CHRM2: variants seen among roughly 807,000 people sequenced by gnomAD.
CHRM2 encodes the protein muscarinic acetylcholine receptor M2.
A neutral mutation model predicts 25.0 loss-of-function variants in CHRM2; 8 were observed. The observed-to-expected ratio is 0.32, with a 90% CI of 0.19 to 0.58. The LOEUF is 0.58. CHRM2 is among the 20% of genes least tolerant of loss of function. The probability of loss-of-function intolerance (pLI) is 0.88; values close to 1 mark genes in which losing one functional copy is unlikely to be tolerated. For missense variants in CHRM2, 440 were observed against 567.1 expected (o/e 0.78, Z 2.28); for synonymous variants, 202 against 205.7 (o/e 0.98, Z 0.15).
At chr7:136,928,404 A>G (rs561813806) in intron 2 of CHRM2, among the ~76,000 whole-genome samples, 2 of 152,298 alleles carry the variant, frequency 1.3e-5, no homozygotes, top group South Asian at 2.1e-4. Flanking sequence ...GATGTTTAAT[A>G]ATTTGTAGTG....
intron 2 of CHRM2, among the ~76,000 whole-genome samples, chr7:136,927,996 C>T (rs558954240): frequency 8.0e-4 from 122 of 152,246 alleles, no homozygotes; most frequent in African/African-American, 2.8e-3. Context: ...TTTGTCTTTA[C>T]TTTTCATATA....
chr7:136,986,444 G>A (rs1484950419), intron 2 of CHRM2, among the ~76,000 whole-genome samples: 1 of 152,004 alleles, frequency 6.6e-6, no homozygotes, highest in African/African-American at 2.4e-5. Flanking sequence ...TTCAATATAA[G>A]AGCAAAGGAA....
chr7:137,004,228 CT>C (rs1320100414), intron 3 of CHRM2, among the ~76,000 whole-genome samples: 1 of 152,116 alleles, frequency 6.6e-6, no homozygotes. Context: ...ATGTGAACTA[CT>C]CACAATTTAG....
intron 2 of CHRM2, among the ~76,000 whole-genome samples, chr7:136,937,298 T>C (rs1799470601): frequency 6.6e-6 from 1 of 152,284 alleles, no homozygotes; most frequent in Admixed American, 6.5e-5. Context: ...AAAAATTCCT[T>C]TTTCCTCACT....
intron 2 of CHRM2, among the ~76,000 whole-genome samples, chr7:136,975,349 T>C (rs1443786642): frequency 1.3e-5 from 2 of 152,282 alleles, no homozygotes; most frequent in East Asian, 1.9e-4. Flanking sequence ...TTAAACATGG[T>C]CCATAGCCTT....
intron 3 of CHRM2, among the ~76,000 whole-genome samples, chr7:137,006,543 T>C (rs928648537): frequency 6.6e-6 from 1 of 152,154 alleles, no homozygotes; most frequent in Non-Finnish European, 1.5e-5. Flanking sequence ...TGCATAATCC[T>C]GATCTTTTTT....
chr7:136,994,524 T>C (rs1803455292), intron 3 of CHRM2, among the ~76,000 whole-genome samples: 1 of 134,732 alleles, frequency 7.4e-6, no homozygotes, highest in African/African-American at 2.7e-5. Flanking sequence ...TTCTTTTCTT[T>C]TTTTTTTTTT....
chr7:136,967,721 T>C (rs1801504576), intron 2 of CHRM2, among the ~76,000 whole-genome samples: 1 of 152,054 alleles, frequency 6.6e-6, no homozygotes, highest in South Asian at 2.1e-4. Flanking sequence ...CTATTAGACT[T>C]TTTGCTCTAG....
chr7:137,000,443 G>A (rs1803922736), intron 3 of CHRM2, among the ~76,000 whole-genome samples: 2 of 150,244 alleles, frequency 1.3e-5, no homozygotes. Flanking sequence ...CAGGTGATCT[G>A]CCCACCTCGG....
chr7:137,011,215 G>GTGTGTGTATATA, intron 3 of CHRM2, among the ~76,000 whole-genome samples: 26 of 134,338 alleles, frequency 1.9e-4, no homozygotes, highest in African/African-American at 7.0e-4. Context: ...GTGTGTGTGT[G>GTGTGTGTATATA]TATATATATA....
intron 2 of CHRM2, among the ~76,000 whole-genome samples, chr7:136,963,090 G>A (rs537171607): frequency 6.6e-6 from 1 of 152,148 alleles, no homozygotes; most frequent in Admixed American, 6.5e-5. Flanking sequence ...AGTGAGAGGA[G>A]AACTGAGAGA....
chr7:136,955,839 A>G (rs903206757), intron 2 of CHRM2, among the ~76,000 whole-genome samples: 2 of 152,212 alleles, frequency 1.3e-5, no homozygotes, highest in Non-Finnish European at 2.9e-5. Context: ...CTGAATTTCA[A>G]CTTGGCATCT....
intron 2 of CHRM2, among the ~76,000 whole-genome samples, chr7:136,939,287 G>A (rs879719746): frequency 2.2e-4 from 34 of 152,152 alleles, no homozygotes; most frequent in Admixed American, 1.9e-3. Flanking sequence ...CACAGGTGTG[G>A]AGCTATTTAA....
chr7:136,980,097 T>C (rs988842584), intron 2 of CHRM2, among the ~76,000 whole-genome samples: 1 of 152,210 alleles, frequency 6.6e-6, no homozygotes, highest in Non-Finnish European at 1.5e-5. Flanking sequence ...TTTTTCCATT[T>C]GTTTGTGTCC....
At chr7:137,011,733 C>T (rs1804839922) in intron 3 of CHRM2, among the ~76,000 whole-genome samples, 1 of 151,972 alleles carries the variant, frequency 6.6e-6, no homozygotes, top group African/African-American at 2.4e-5. Flanking sequence ...ACTTGTCAGC[C>T]TAGTGTTCAT....
intron 2 of CHRM2, among the ~76,000 whole-genome samples, chr7:136,877,455 A>G (rs916007597): frequency 3.9e-5 from 6 of 151,974 alleles, no homozygotes; most frequent in African/African-American, 1.4e-4. Flanking sequence ...CATTCGTTTA[A>G]TATCTTCACA....
chr7:136,878,724 C>G (rs1452069867), intron 2 of CHRM2, among the ~76,000 whole-genome samples: 1 of 151,830 alleles, frequency 6.6e-6, no homozygotes, highest in African/African-American at 2.4e-5. Flanking sequence ...CTTTTTCTTT[C>G]TAAATCTTGA....
intron 2 of CHRM2, among the ~76,000 whole-genome samples, chr7:136,956,538 C>A (rs1021674727): frequency 6.6e-6 from 1 of 152,096 alleles, no homozygotes; most frequent in Non-Finnish European, 1.5e-5. Context: ...AAAACAGATA[C>A]AAATGGGGCA....
chr7:136,873,657 G>C (rs975091527), intron 2 of CHRM2, among the ~76,000 whole-genome samples: 2 of 152,178 alleles, frequency 1.3e-5, no homozygotes, highest in African/African-American at 4.8e-5. Context: ...GGACTCCACT[G>C]TCTTAGTTCT....
Sources: allele counts gnomAD v4.1 joint callset (sites outside exome capture counted in the v4.1 genomes callset), GRCh38; gene constraint gnomAD v4.1.1; transcripts MANE v1.5; gene names NCBI Gene and HGNC (gene_info 2026-07-23, HGNC 2026-07-21).